LAMA2: variants seen among roughly 807,000 people sequenced by gnomAD.
LAMA2 encodes the protein laminin subunit alpha 2.
LAMA2 carries 269 observed loss-of-function variants against 364.8 expected under a neutral mutation model. That is an observed-to-expected ratio of 0.74 (90% CI 0.67 to 0.82). The LOEUF (loss-of-function observed/expected upper bound fraction) is 0.82. Among genes scored for constraint, LAMA2 ranks in the 40% least tolerant of loss-of-function variants. LAMA2 has a pLI of 0.00. For synonymous variants in LAMA2, 1,379 were observed against 1,370.6 expected (o/e 1.01, Z -0.14); for missense variants, 3,807 against 3,873.2 (o/e 0.98, Z 0.45).
At chr6:129,011,942 A>G (rs1006854721) in intron 1 of LAMA2, among the ~76,000 whole-genome samples, 1 of 152,190 alleles carries the variant, frequency 6.6e-6, no homozygotes, top group Admixed American at 6.5e-5. Context: ...GAAGGGGTTT[A>G]ATGTTGTTAA....
chr6:128,968,770 G>A (rs1040026729), intron 1 of LAMA2, among the ~76,000 whole-genome samples: 5 of 152,190 alleles, frequency 3.3e-5, no homozygotes, highest in Admixed American at 1.3e-4. Flanking sequence ...GATGACATCT[G>A]GAGACAGGTA....
intron 27 of LAMA2, among the ~76,000 whole-genome samples, chr6:129,317,162 C>G (rs748546302): frequency 9.9e-5 from 15 of 152,082 alleles, no homozygotes; most frequent in Middle Eastern, 3.2e-3. Context: ...AATGAGAAAT[C>G]ATACAGATTT....
chr6:128,988,412 A>G, intron 1 of LAMA2, among the ~76,000 whole-genome samples: 1 of 152,288 alleles, frequency 6.6e-6, no homozygotes, highest in Middle Eastern at 3.4e-3. Flanking sequence ...AAAAAAAAAT[A>G]TGCAAAGTAT....
chr6:129,218,463 AG>A (rs890088197), intron 12 of LAMA2, among the ~76,000 whole-genome samples: 7 of 152,180 alleles, frequency 4.6e-5, no homozygotes, highest in African/African-American at 1.7e-4. Context: ...ATACATATTT[AG>A]TTGTTAAAAT....
chr6:128,902,864 T>A (rs1777176942), intron 1 of LAMA2, among the ~76,000 whole-genome samples: 1 of 152,156 alleles, frequency 6.6e-6, no homozygotes, highest in East Asian at 1.9e-4. Context: ...GTTTCTCATG[T>A]TCACCAGAGG....
intron 1 of LAMA2, among the ~76,000 whole-genome samples, chr6:128,956,811 ATT>A (rs72081899): frequency 0.074 from 10,980 of 148,200 alleles, 460 homozygotes; most frequent in South Asian, 0.12. Flanking sequence ...CGAAGAAGGT[ATT>A]TTTTTTTTTA....
chr6:128,910,208 C>G (rs1255364758), intron 1 of LAMA2, among the ~76,000 whole-genome samples: 6 of 152,216 alleles, frequency 3.9e-5, no homozygotes, highest in Admixed American at 3.9e-4. Context: ...GGGAAGTTCT[C>G]CTGGATAATA....
At chr6:128,988,241 G>A (rs2114653907) in intron 1 of LAMA2, among the ~76,000 whole-genome samples, 1 of 152,210 alleles carries the variant, frequency 6.6e-6, no homozygotes, top group South Asian at 2.1e-4. Context: ...TATTTGACGA[G>A]AACATACAAG....
At chr6:129,300,708 CTTTG>C in intron 21 of LAMA2, 24 bp from the exon 22 acceptor site, 1 of 1,612,732 alleles carries the variant, frequency 6.2e-7, no homozygotes, top group Non-Finnish European at 8.5e-7. Flanking sequence ...TTTTCCCCTT[CTTTG>C]TTTTCCCTCT....
rs2306942 is a variant in LAMA2, at chr6:129,314,655, G to A, written c.3412G>A (p.Val1138Met). The change falls in exon 24 of 65, where the codon GTG becomes ATG. Residue 1138 changes from valine (V) to methionine (M), a missense_variant and splice_region_variant. Coordinates refer to ENST00000421865, the MANE Select transcript of LAMA2 (RefSeq NM_000426.4). Reference protein sequence around the residue: ...SDQTGQCTCKVNVEGIHCDRC... With the variant: ...SDQTGQCTCKMNVEGIHCDRC... ...CTGAGGGTCTCTTGTCTTTCCTCAG[G>A]TGAATGTGGAAGGCATCCACTGTGA... 93,700 of 1,612,986 alleles carry A rather than the reference G, an allele frequency of 0.058. 3,884 individuals carry two copies. The highest frequency in any genetic ancestry group is 0.19 in the African/African-American group (14,187 of 74,890).
At chr6:129,100,148 C>G (rs942693116) in intron 4 of LAMA2, among the ~76,000 whole-genome samples, 1 of 152,198 alleles carries the variant, frequency 6.6e-6, no homozygotes, top group African/African-American at 2.4e-5. Context: ...CCCATTCTCT[C>G]CCTTCATTAA....
chr6:129,300,841 C>A lies in LAMA2; in HGVS notation c.3143C>A (p.Thr1048Asn), dbSNP rs1162490996. ...AAATGTTCTAAATGTGCACCCAATA[C>A]CTGGGGCCACAGCATTACCACTGGT... ...GEKCSKCAPN[T>N]WGHSITTGCK... Residue 1048 changes from threonine (T) to asparagine (N), a missense_variant, in exon 22 of 65, where the codon ACC (threonine) becomes AAC (asparagine). Thr to Asn is a moderately conservative substitution (Grantham distance 65). Around this residue, in one of 3 missense-constraint regions of LAMA2, gnomAD observed 3,333 missense variants for 3,345.7 expected, o/e 1.00. Coordinates refer to ENST00000421865, the MANE Select transcript of LAMA2 (RefSeq NM_000426.4). 1.2e-6 allele frequency: 2 copies of A among 1,613,768 alleles called. No individual in the cohort carries two copies. Among genetic ancestry groups the A allele is most frequent in the Admixed American group, 3.3e-5 (2 of 60,004 alleles).
intron 1 of LAMA2, among the ~76,000 whole-genome samples, chr6:128,963,340 T>C (rs1781646812): frequency 6.6e-6 from 1 of 152,156 alleles, no homozygotes; most frequent in Non-Finnish European, 1.5e-5. Context: ...ATATTACTAC[T>C]GTGAAAATGT....
chr6:129,050,165 A>C (rs530468405), intron 2 of LAMA2, 77 bp downstream of exon 2: 18 of 1,418,480 alleles, frequency 1.3e-5, no homozygotes, highest in Non-Finnish European at 1.8e-5. Flanking sequence ...AGTTGCATTA[A>C]ATTCAAGGGT....
At position 129,312,898 on chromosome 6, in the gene LAMA2, A is replaced by C; in HGVS notation, c.3212A>C (p.Gln1071Pro). Residue 1071 changes from glutamine (Q) to proline (P), a missense_variant, in exon 23 of 65, where the codon CAA (glutamine) becomes CCA (proline). By Grantham distance (76) the Gln-to-Pro change is moderately conservative (BLOSUM62 -1). Around this residue, in one of 3 missense-constraint regions of LAMA2, gnomAD observed 3,333 missense variants for 3,345.7 expected, o/e 1.00. Coordinates refer to ENST00000421865, the MANE Select transcript of LAMA2 (RefSeq NM_000426.4). ...AGCACAGTGGGATCCTTGGATTTCC[A>C]ATGCAATGTAAATACAGGCCAATGC... The part of the protein sequence containing the change: ...NCSTVGSLDF[Q>P]CNVNTGQCNC... The C allele has an allele frequency of 6.2e-7, 1 of 1,614,160 alleles. No individual in the cohort carries two copies. The highest frequency in any genetic ancestry group is 8.5e-7 in the Non-Finnish European group (1 of 1,179,998).
intron 12 of LAMA2, among the ~76,000 whole-genome samples, chr6:129,235,851 A>G (rs1426482413): frequency 6.6e-6 from 1 of 152,086 alleles, no homozygotes; most frequent in Non-Finnish European, 1.5e-5. Context: ...ACCTACTTAT[A>G]TGTGTGATGA....
chr6:129,083,651 C>G (rs1369240877), intron 3 of LAMA2, among the ~76,000 whole-genome samples: 1 of 152,176 alleles, frequency 6.6e-6, no homozygotes, highest in Non-Finnish European at 1.5e-5. Flanking sequence ...TTTTTGTCCA[C>G]TAATCTAATT....
intron 1 of LAMA2, among the ~76,000 whole-genome samples, chr6:129,005,705 GA>G (rs2114684141): frequency 6.6e-6 from 1 of 150,514 alleles, no homozygotes; most frequent in Non-Finnish European, 1.5e-5. Flanking sequence ...CTACTTGGGG[GA>G]AAAATGTGTG....
chr6:129,436,481 A>G (rs535045165), intron 41 of LAMA2, among the ~76,000 whole-genome samples: 1 of 152,288 alleles, frequency 6.6e-6, no homozygotes, highest in East Asian at 1.9e-4. Context: ...TAATCTTATT[A>G]GGGTATTTTT....
Sources: allele counts gnomAD v4.1 joint callset (sites outside exome capture counted in the v4.1 genomes callset), GRCh38; gene constraint gnomAD v4.1.1; regional missense constraint gnomAD v4.1.1; transcripts MANE v1.5; gene names NCBI Gene and HGNC (gene_info 2026-07-23, HGNC 2026-07-21).